The following KCNH5 variants were observed in gnomAD, a reference collection of about 807,000 sequenced individuals.
The protein encoded by KCNH5 is voltage-gated delayed rectifier potassium channel KCNH5.
KCNH5 carries 46 observed loss-of-function variants against 96.1 expected under a neutral mutation model. The ratio of observed to expected loss-of-function variants is 0.48; its 90% CI spans 0.38 to 0.61. KCNH5 has a LOEUF of 0.61. Among genes scored for constraint, KCNH5 ranks in the 20% least tolerant of loss-of-function variants. The probability of loss-of-function intolerance (pLI) is 0.00; values close to 1 mark genes in which losing one functional copy is unlikely to be tolerated. For missense variants in KCNH5, 907 were observed against 1,225.8 expected (o/e 0.74, Z 3.88); for synonymous variants, 439 against 449.8 (o/e 0.98, Z 0.30).
chr14:63,003,545 AT>A lies in KCNH5; in HGVS notation c.305-2087del, dbSNP rs1200483348. 6.6e-3 allele frequency among the ~76,000 whole-genome samples: 664 copies of A among 100,046 alleles called. 11 individuals carry two copies. The highest frequency in any genetic ancestry group is 0.024 in the African/African-American group (617 of 25,234). 65.6% of individuals were successfully genotyped at this position (100,046 alleles called of 152,430 possible). A position where few individuals can be genotyped will look rare whatever the true frequency, so the allele number is the denominator to read the frequency against. On this transcript the variant is annotated intron_variant, in intron 3 of 10. Coordinates refer to ENST00000322893, the MANE Select transcript of KCNH5 (RefSeq NM_139318.5). ...ATATTTTATATATATTATATATTAT[AT>A]ATAGTATATATTATATATATTTATA... is the stretch of plus-strand genomic sequence containing the variant.
At chr14:62,709,188 G>C (rs901429300) in intron 10 of KCNH5, among the ~76,000 whole-genome samples, 1 of 129,192 alleles carries the variant, frequency 7.7e-6, no homozygotes, top group African/African-American at 2.9e-5. Context: ...AGCGGAGATC[G>C]CGCCACAGCA....
At chr14:63,030,382 A>C (rs1265853257) in intron 1 of KCNH5, among the ~76,000 whole-genome samples, 1 of 152,212 alleles carries the variant, frequency 6.6e-6, no homozygotes, top group Non-Finnish European at 1.5e-5. Flanking sequence ...ACTTGAAAAC[A>C]ACTCATTATA....
intron 7 of KCNH5, among the ~76,000 whole-genome samples, chr14:62,872,068 C>A (rs1888266735): frequency 1.3e-5 from 2 of 152,164 alleles, no homozygotes; most frequent in African/African-American, 4.8e-5. Flanking sequence ...TAAGCATATA[C>A]AAGCTTCTTC....
At chr14:62,831,438 A>G (rs935019873) in intron 8 of KCNH5, among the ~76,000 whole-genome samples, 31 of 152,186 alleles carry the variant, frequency 2.0e-4, no homozygotes, top group Non-Finnish European at 4.1e-4. Flanking sequence ...ATCCAGAGGT[A>G]AGCACTGGGT....
intron 7 of KCNH5, among the ~76,000 whole-genome samples, chr14:62,926,704 T>C (rs1431438841): frequency 6.6e-6 from 1 of 152,128 alleles, no homozygotes; most frequent in Non-Finnish European, 1.5e-5. Flanking sequence ...CCTCTTCTTA[T>C]GAGGAGACCA....
intron 7 of KCNH5, among the ~76,000 whole-genome samples, chr14:62,869,727 T>C (rs1209785732): frequency 2.0e-5 from 3 of 152,186 alleles, no homozygotes; most frequent in Admixed American, 6.5e-5. Context: ...TGAAACAGCA[T>C]GGTACTGGTA....
At chr14:62,741,263 G>A (rs1885265597) in intron 10 of KCNH5, among the ~76,000 whole-genome samples, 2 of 152,100 alleles carry the variant, frequency 1.3e-5, no homozygotes, top group Admixed American at 1.3e-4. Context: ...TTCAGATAAG[G>A]GGATAATTGG....
intron 7 of KCNH5, among the ~76,000 whole-genome samples, chr14:62,916,412 T>C (rs1047801041): frequency 2.6e-5 from 4 of 152,216 alleles, no homozygotes; most frequent in Non-Finnish European, 5.9e-5. Flanking sequence ...GTGTTCTTTA[T>C]AACAATGTCA....
At position 62,890,250 on chromosome 14, in the gene KCNH5, G is replaced by C. The variant is rs533690341; in HGVS notation, c.1370-40398C>G. On this transcript the variant is annotated intron_variant, in intron 7 of 10. Coordinates refer to ENST00000322893, the MANE Select transcript of KCNH5 (RefSeq NM_139318.5). ...ACAAATGGGATCTAATTAAACTAAA[G>C]AGCTTCTGCACAGCAAAAGAAACCA... Among the ~76,000 whole-genome samples, 141 of 152,250 alleles carry C rather than the reference G, an allele frequency of 9.3e-4. No individual in the cohort carries two copies. The Middle Eastern group carries it at 0.01, about 11-fold the overall frequency.
At chr14:62,873,360 T>C (rs1888298776) in intron 7 of KCNH5, among the ~76,000 whole-genome samples, 1 of 152,142 alleles carries the variant, frequency 6.6e-6, no homozygotes, top group African/African-American at 2.4e-5. Flanking sequence ...TACCAATGCA[T>C]AGGTCTAGAA....
At chr14:62,785,179 G>A (rs572940364) in intron 9 of KCNH5, among the ~76,000 whole-genome samples, 7 of 152,196 alleles carry the variant, frequency 4.6e-5, no homozygotes, top group East Asian at 1.9e-4. Flanking sequence ...AACTTTTACC[G>A]TGTTTCTGGG....
At chr14:62,888,173 T>C (rs577882985) in intron 7 of KCNH5, among the ~76,000 whole-genome samples, 7 of 152,328 alleles carry the variant, frequency 4.6e-5, no homozygotes, top group Admixed American at 3.3e-4. Context: ...ACCAAGAATA[T>C]AAACTTCCTG....
intron 7 of KCNH5, among the ~76,000 whole-genome samples, chr14:62,933,229 A>G (rs1461223477): frequency 6.6e-6 from 1 of 152,194 alleles, no homozygotes; most frequent in Non-Finnish European, 1.5e-5. Flanking sequence ...AATAAATTTA[A>G]AAGAAGCAAC....
chr14:62,923,311 GA>G (rs1399209604), intron 7 of KCNH5, among the ~76,000 whole-genome samples: 8 of 151,804 alleles, frequency 5.3e-5, no homozygotes, highest in African/African-American at 1.9e-4. Flanking sequence ...AGTGGTGAAA[GA>G]AATTGAAGAA....
intron 5 of KCNH5, among the ~76,000 whole-genome samples, chr14:62,985,671 A>G (rs558778880): frequency 6.6e-6 from 1 of 151,896 alleles, no homozygotes; most frequent in Non-Finnish European, 1.5e-5. Flanking sequence ...TTCTGTCCTC[A>G]TTTTTTTTCT....
At chr14:62,966,478 G>C (rs1890307213) in intron 6 of KCNH5, among the ~76,000 whole-genome samples, 1 of 152,116 alleles carries the variant, frequency 6.6e-6, no homozygotes, top group South Asian at 2.1e-4. Flanking sequence ...GAGCCATCTT[G>C]ACTTAAAAGC....
At chr14:62,838,294 C>T (rs1887504951) in intron 8 of KCNH5, among the ~76,000 whole-genome samples, 1 of 152,158 alleles carries the variant, frequency 6.6e-6, no homozygotes, top group Admixed American at 6.6e-5. Flanking sequence ...TTTTATTCAT[C>T]ATATTCCAAC....
intron 10 of KCNH5, among the ~76,000 whole-genome samples, chr14:62,722,876 C>A (rs181254416): frequency 6.6e-6 from 1 of 152,306 alleles, no homozygotes; most frequent in Non-Finnish European, 1.5e-5. Flanking sequence ...AACAGCCGAG[C>A]TCTGACTGAA....
chr14:62,859,843 T>C (rs1195806051), intron 7 of KCNH5, among the ~76,000 whole-genome samples: 1 of 152,182 alleles, frequency 6.6e-6, no homozygotes, highest in African/African-American at 2.4e-5. Flanking sequence ...AATCAGGCCC[T>C]AGTCTTCTCT....
Sources: allele counts gnomAD v4.1 joint callset (sites outside exome capture counted in the v4.1 genomes callset), GRCh38; gene constraint gnomAD v4.1.1; transcripts MANE v1.5; gene names NCBI Gene and HGNC (gene_info 2026-07-23, HGNC 2026-07-21).